Variants in RPSA2 observed in about 807,000 individuals in gnomAD.
RPSA2 encodes the protein small ribosomal subunit protein uS2B.
At chr19:23,826,818 TG>T in the RPSA2 span, among the ~76,000 whole-genome samples, 1 of 151,990 alleles carries the variant, frequency 6.6e-6, no homozygotes, top group African/African-American at 2.4e-5. Context: ...CCCGAGTAGC[TG>T]GGATTACAGG....
the RPSA2 span, among the ~76,000 whole-genome samples, chr19:23,801,463 G>A: frequency 6.6e-6 from 1 of 152,106 alleles, no homozygotes; most frequent in African/African-American, 2.4e-5. Flanking sequence ...GTATGGTCTC[G>A]ATCTCTTGAC....
chr19:23,771,794 G>A, the RPSA2 span, among the ~76,000 whole-genome samples: 5 of 152,086 alleles, frequency 3.3e-5, no homozygotes, highest in African/African-American at 1.2e-4. Context: ...TCTCCTGCCT[G>A]GTTTCTGTTG....
chr19:23,839,027 T>C, the RPSA2 span, among the ~76,000 whole-genome samples: 1 of 152,204 alleles, frequency 6.6e-6, no homozygotes, highest in Non-Finnish European at 1.5e-5. Context: ...TTTCTCTAGT[T>C]CCTTGTCTGT....
the RPSA2 span, among the ~76,000 whole-genome samples, chr19:23,804,446 G>A: frequency 1.7e-5 from 2 of 116,276 alleles, no homozygotes; most frequent in African/African-American, 3.2e-5. Flanking sequence ...ACAGGCAACC[G>A]CCACCACACC....
the RPSA2 span, among the ~76,000 whole-genome samples, chr19:23,853,670 T>C: frequency 1.3e-5 from 2 of 152,324 alleles, no homozygotes; most frequent in Non-Finnish European, 2.9e-5. Flanking sequence ...TTTCATTATA[T>C]GTTGGGTGGG....
the RPSA2 span, among the ~76,000 whole-genome samples, chr19:23,845,348 G>A: frequency 2.0e-5 from 3 of 149,792 alleles, no homozygotes; most frequent in Admixed American, 6.7e-5. Context: ...ATGATGTCAG[G>A]TCCTTAACAT....
the RPSA2 span, among the ~76,000 whole-genome samples, chr19:23,824,691 G>T: frequency 1.4e-5 from 2 of 148,108 alleles, no homozygotes; most frequent in Admixed American, 1.4e-4. Context: ...GAGCCATGGT[G>T]CCTGGTCACC....
chr19:23,833,425 A>C, the RPSA2 span: 1 of 166,376 alleles, frequency 6.0e-6, no homozygotes, highest in African/African-American at 2.4e-5. Context: ...ACAACAACTT[A>C]AGCTTTTCTA....
the RPSA2 span, among the ~76,000 whole-genome samples, chr19:23,786,639 G>A: frequency 6.6e-6 from 1 of 152,102 alleles, no homozygotes; most frequent in Admixed American, 6.6e-5. Context: ...GCGTGCAGGG[G>A]ACCTTGTGAC....
the RPSA2 span, among the ~76,000 whole-genome samples, chr19:23,810,205 A>G: frequency 2.6e-5 from 4 of 152,020 alleles, no homozygotes; most frequent in South Asian, 2.1e-4. Flanking sequence ...CATCCTGGCT[A>G]ACTCGGTGAA....
At chr19:23,763,998 T>C in the RPSA2 span, among the ~76,000 whole-genome samples, 1 of 152,166 alleles carries the variant, frequency 6.6e-6, no homozygotes, top group Non-Finnish European at 1.5e-5. Context: ...GGTTATGTAA[T>C]CAGAGGTTAA....
At chr19:23,830,202 T>C in the RPSA2 span, among the ~76,000 whole-genome samples, 3 of 152,138 alleles carry the variant, frequency 2.0e-5, no homozygotes, top group African/African-American at 4.8e-5. Flanking sequence ...TGGAGCATAG[T>C]GGTATGACTT....
At chr19:23,797,069 C>T in the RPSA2 span, among the ~76,000 whole-genome samples, 2 of 151,736 alleles carry the variant, frequency 1.3e-5, no homozygotes, top group African/African-American at 4.8e-5. Context: ...AGCAGTATTG[C>T]AGATATTCTG....
chr19:23,866,449 A>G, the RPSA2 span, among the ~76,000 whole-genome samples: 2 of 152,090 alleles, frequency 1.3e-5, 1 homozygote, highest in South Asian at 4.2e-4. Flanking sequence ...TTATGGAAAA[A>G]CTGGACATTT....
At chr19:23,842,299 A>G in the RPSA2 span, among the ~76,000 whole-genome samples, 2 of 152,240 alleles carry the variant, frequency 1.3e-5, no homozygotes, top group African/African-American at 2.4e-5. Context: ...TGTTTATGCC[A>G]TAAGTTCTAT....
At chr19:23,778,877 C>T in the RPSA2 span, among the ~76,000 whole-genome samples, 1 of 151,660 alleles carries the variant, frequency 6.6e-6, no homozygotes, top group Admixed American at 6.6e-5. Context: ...CTAGGTTACT[C>T]TCCTGTTTTT....
At chr19:23,843,300 T>A in the RPSA2 span, 1 of 170,202 alleles carries the variant, frequency 5.9e-6, no homozygotes, top group Non-Finnish European at 1.3e-5. Context: ...ATGAAGCAGA[T>A]AACACAGACA....
chr19:23,827,056 C>A, the RPSA2 span: 1 of 701,922 alleles, frequency 1.4e-6, no homozygotes, highest in Non-Finnish European at 2.6e-6. Context: ...TTGCTTTTAC[C>A]TATTTGCTTA....
chr19:23,846,060 A>G, the RPSA2 span, among the ~76,000 whole-genome samples: 2 of 152,302 alleles, frequency 1.3e-5, no homozygotes, highest in South Asian at 2.1e-4. Flanking sequence ...TGTGTTACCT[A>G]AAGAGATGTG....
Sources: gnomAD v4.1 joint callset for allele counts (sites outside exome capture counted in the v4.1 genomes callset) on GRCh38, gnomAD v4.1.1 for gene constraint, MANE v1.5 for transcripts, NCBI Gene and HGNC (gene_info 2026-07-23, HGNC 2026-07-21) for gene names.